DDX3Y: variants seen among roughly 807,000 people sequenced by gnomAD.
DDX3Y encodes the protein DEAD-box helicase 3 Y-linked.
Under a neutral mutation model 15.1 loss-of-function variants are expected in DDX3Y, and 2 were observed. The ratio of observed to expected loss-of-function variants is 0.13; its 90% CI spans 0.05 to 0.42. DDX3Y has a LOEUF of 0.42. Among genes scored for constraint, DDX3Y ranks in the 10% least tolerant of loss-of-function variants. DDX3Y has a pLI of 0.99. For synonymous variants in DDX3Y, 47 were observed against 45.0 expected (o/e 1.04, Z -0.18); for missense variants, 81 against 149.9 (o/e 0.54, Z 2.40).
At chrY:12,912,110 G>A in intron 4 of DDX3Y, 142 bp downstream of exon 4, 1 of 154,318 alleles carries the variant, frequency 6.5e-6, no homozygotes, top group South Asian at 5.1e-5. Context: ...TTTACTCATT[G>A]TTTTGTTAGC....
At chrY:12,908,422 T>C in intron 2 of DDX3Y, among the ~76,000 whole-genome samples, 1 of 34,375 alleles carries the variant, frequency 2.9e-5, no homozygotes, top group African/African-American at 1.1e-4. Flanking sequence ...TTTGTCGTTA[T>C]ATGAACATTA....
chrY:12,909,735 GC>G (rs2053622526), intron 3 of DDX3Y: 1 of 37,209 alleles, frequency 2.7e-5, no homozygotes, highest in African/African-American at 1.2e-4. Flanking sequence ...ATAAAGACCT[GC>G]TTGCTGCTGT....
intron 3 of DDX3Y, 90 bp downstream of exon 3, chrY:12,909,497 T>A: frequency 4.8e-6 from 1 of 209,071 alleles, no homozygotes; most frequent in Non-Finnish European, 7.9e-6. Flanking sequence ...CTATAAATGT[T>A]TTTTGTCCCC....
chrY:12,912,117 TAGC>T (rs2053630399), intron 4 of DDX3Y, 149 bp downstream of exon 4: 1 of 148,414 alleles, frequency 6.7e-6, no homozygotes. Context: ...ATTGTTTTGT[TAGC>T]AGTAAGAGGT....
chrY:12,917,088 T>C, intron 15 of DDX3Y, 28 bp downstream of exon 15: 1 of 385,758 alleles, frequency 2.6e-6, no homozygotes, highest in Non-Finnish European at 3.7e-6. Context: ...CCTTCACTCT[T>C]GTTATTGCTT....
intron 3 of DDX3Y, among the ~76,000 whole-genome samples, chrY:12,911,293 T>C (rs113287778): frequency 6.0e-5 from 2 of 33,518 alleles, no homozygotes; most frequent in African/African-American, 2.3e-4. Flanking sequence ...CCTGAGGTAA[T>C]CTTTTACTTA....
chrY:12,911,013 C>G, intron 3 of DDX3Y, among the ~76,000 whole-genome samples: 1 of 30,302 alleles, frequency 3.3e-5, no homozygotes, highest in Non-Finnish European at 7.9e-5. Context: ...TGGGTTCATG[C>G]CATTCTCCTG....
chrY:12,916,485 CT>C (rs747609519), intron 13 of DDX3Y, 31 bp from the exon 14 acceptor site: 22 of 210,035 alleles, frequency 1.0e-4, no homozygotes, highest in Admixed American at 1.4e-4. Flanking sequence ...GTGGATAGTG[CT>C]TTTTTTTTTT....
intron 2 of DDX3Y, among the ~76,000 whole-genome samples, chrY:12,908,418 G>T (rs941527820): frequency 2.9e-5 from 1 of 34,000 alleles, no homozygotes; most frequent in African/African-American, 1.2e-4. Context: ...AAACTTTGTC[G>T]TTATATGAAC....
intron 6 of DDX3Y, 53 bp downstream of exon 6, chrY:12,913,115 G>GA (rs1569395190): frequency 3.8e-5 from 9 of 238,454 alleles, no homozygotes; most frequent in East Asian, 1.1e-4. Context: ...ATTGGATTAT[G>GA]AAAAAAAAAT....
chrY:12,908,970 G>A (rs998696320), intron 2 of DDX3Y, among the ~76,000 whole-genome samples: 1 of 33,706 alleles, frequency 3.0e-5, no homozygotes, highest in Non-Finnish European at 7.4e-5. Context: ...ACAGGCGTGA[G>A]CCACCGTGAC....
Position 12,917,196 on chromosome Y carries a change from G to A in DDX3Y, c.1763+136G>A. On this transcript the variant is annotated intron_variant, in intron 15 of 16. Coordinates refer to ENST00000336079, the MANE Select transcript of DDX3Y (RefSeq NM_004660.5). The stretch of plus-strand genomic sequence containing the variant: ...GGGCAAGGGATGATTATTAGAGAGG[G>A]TGACAAGGAATTAAGTGTTAGGTCC... 5 of 233,676 alleles carry A rather than the reference G, an allele frequency of 2.1e-5. No individual in the cohort carries two copies. The East Asian group carries it at 5.3e-4, about 25-fold the overall frequency. The allele number at this position is 233,676 out of a possible 400,897, so 58.3% of individuals were successfully genotyped here. A position where few individuals can be genotyped will look rare whatever the true frequency, so the allele number is the denominator to read the frequency against.
At chrY:12,906,590 G>T (rs2053612261) in intron 1 of DDX3Y, among the ~76,000 whole-genome samples, 1 of 33,718 alleles carries the variant, frequency 3.0e-5, no homozygotes. Flanking sequence ...GATGATTCAT[G>T]TAATGTGATA....
rs1229189145 is a variant in DDX3Y at position 12,916,950 on chromosome Y, A to G, written c.1653A>G (p.Thr551=). ...TTAATGAAAAAAATATGAATATTAC[A>G]AAGGATTTGTTGGATCTTCTTGTAG... ...SFFNEKNMNI[T]KDLLDLLVEA... Residue 551 remains threonine (T), a synonymous_variant, in exon 15 of 17, where the codon ACA becomes ACG. Transcript: ENST00000336079. The G allele has an allele frequency of 2.5e-6, 1 of 396,220 alleles. No homozygotes were observed. Among genetic ancestry groups the G allele is most frequent in the South Asian group, 3.0e-5 (1 of 33,611 alleles).
chrY:12,907,559 C>T lies in DDX3Y; in HGVS notation c.68C>T (p.Ser23Phe). The T allele has an allele frequency of 5.3e-6, 2 of 375,429 alleles. No homozygotes were observed. Among genetic ancestry groups the T allele is most frequent in the Non-Finnish European group, 7.4e-6 (2 of 268,712 alleles). 93.6% of individuals were successfully genotyped at this position (375,429 alleles called of 400,897 possible). ...DQQLANLDLN[S>F]EKQSGGASTA... ...TAGCTTGCTAATCTGGACCTGAACT[C>T]TGAAAAACAGAGTGGAGGAGCAAGT... The change falls in exon 2 of 17, where the codon TCT becomes TTT. Residue 23 changes from serine to phenylalanine, a missense_variant. Transcript: ENST00000336079.
chrY:12,912,631 T>C, intron 4 of DDX3Y, 96 bp from the exon 5 acceptor site: 1 of 304,378 alleles, frequency 3.3e-6, no homozygotes, highest in Admixed American at 7.7e-5. Flanking sequence ...AGGGTGGTTG[T>C]GTTCAGTAAT....
In DDX3Y at chrY:12,911,825, C is replaced by CT. The variant is rs764210591; in HGVS notation, c.152-8dup. The CT allele has an allele frequency of 2.3e-5, 9 of 387,208 alleles. No homozygotes were observed. In the East Asian group the frequency reaches 8.5e-4, roughly 37 times the overall value. ...AAGTCTTGTCACCTTCTGATTTTTG[C>CT]TTTTTTATTGAAGGATTCCATGATA... is the stretch of plus-strand genomic sequence containing the variant. On this transcript the variant is annotated splice_polypyrimidine_tract_variant and intron_variant, in intron 3 of 16. Transcript: ENST00000336079.
At chrY:12,906,886 G>C in intron 1 of DDX3Y, among the ~76,000 whole-genome samples, 3 of 32,537 alleles carry the variant, frequency 9.2e-5, no homozygotes, top group Non-Finnish European at 1.5e-4. Context: ...TTAAATACGA[G>C]ATGTGTTGCT....
intron 15 of DDX3Y, 39 bp downstream of exon 15, chrY:12,917,099 A>G: frequency 2.7e-6 from 1 of 368,831 alleles, no homozygotes; most frequent in Non-Finnish European, 3.8e-6. Context: ...GTTATTGCTT[A>G]CTAGGGGCAA....
Sources: gnomAD v4.1 joint callset for allele counts (sites outside exome capture counted in the v4.1 genomes callset) on GRCh38, gnomAD v4.1.1 for gene constraint, MANE v1.5 for transcripts, NCBI Gene and HGNC (gene_info 2026-07-23, HGNC 2026-07-21) for gene names.